TUBB8B: variants seen among roughly 807,000 people sequenced by gnomAD.
TUBB8B encodes the protein tubulin beta 8B.
In TUBB8B, 26 loss-of-function variants were observed where a neutral mutation model predicts 31.9. The ratio of observed to expected loss-of-function variants is 0.81; its 90% CI spans 0.60 to 1.13. The LOEUF is 1.13. TUBB8B is among the 50% of genes most tolerant of loss of function. TUBB8B has a pLI of 0.00. For missense variants in TUBB8B, 467 were observed against 586.7 expected (o/e 0.80, Z 2.11); for synonymous variants, 173 against 231.0 (o/e 0.75, Z 2.28).
the TUBB8B span, among the ~76,000 whole-genome samples, chr18:55,342 A>T: frequency 1.3e-5 from 2 of 150,998 alleles, no homozygotes; most frequent in Non-Finnish European, 3.0e-5. Context: ...CTCGTGATCC[A>T]CCCGCCACAG....
chr18:52,961 A>G (rs971023410), upstream of TUBB8B, among the ~76,000 whole-genome samples: 2 of 151,842 alleles, frequency 1.3e-5, no homozygotes, highest in African/African-American at 2.4e-5. Flanking sequence ...AATGACAATT[A>G]ACCCGTTGAC....
chr18:58,372 G>A, the TUBB8B span, among the ~76,000 whole-genome samples: 6 of 151,576 alleles, frequency 4.0e-5, no homozygotes, highest in Non-Finnish European at 5.9e-5. Context: ...AAGCAGCCAG[G>A]CCACATCTTC....
the TUBB8B span, among the ~76,000 whole-genome samples, chr18:72,419 T>C: frequency 6.6e-6 from 1 of 152,214 alleles, no homozygotes; most frequent in Non-Finnish European, 1.5e-5. Flanking sequence ...ACAGACGTCA[T>C]TTTATGTACC....
the TUBB8B span, among the ~76,000 whole-genome samples, chr18:66,996 G>GTTTTTTTTT: frequency 7.2e-6 from 1 of 139,686 alleles, no homozygotes. Context: ...TGTTTTTTTT[G>GTTTTTTTTT]TTTTTTTTTT....
the TUBB8B span, among the ~76,000 whole-genome samples, chr18:63,405 G>C: frequency 1.3e-5 from 2 of 151,722 alleles, no homozygotes; most frequent in Admixed American, 6.6e-5. Flanking sequence ...ATCAAGTAGA[G>C]ATTCTAGTTC....
chr18:67,748 C>T, the TUBB8B span, among the ~76,000 whole-genome samples: 2 of 151,982 alleles, frequency 1.3e-5, no homozygotes, highest in African/African-American at 4.8e-5. Flanking sequence ...CACGGCATAT[C>T]GTAATACTGA....
the TUBB8B span, among the ~76,000 whole-genome samples, chr18:56,295 G>A: frequency 1.3e-5 from 2 of 151,722 alleles, no homozygotes; most frequent in Non-Finnish European, 1.5e-5. Flanking sequence ...ACTCAGAATA[G>A]CTTTGACTAT....
At chr18:59,157 C>T in the TUBB8B span, among the ~76,000 whole-genome samples, 1 of 151,832 alleles carries the variant, frequency 6.6e-6, no homozygotes, top group Admixed American at 6.6e-5. Flanking sequence ...AGGGGACACA[C>T]ATTAAAACCC....
the TUBB8B span, among the ~76,000 whole-genome samples, chr18:66,403 T>G: frequency 6.6e-6 from 1 of 151,896 alleles, no homozygotes; most frequent in East Asian, 1.9e-4. Flanking sequence ...AATCAAAAAA[T>G]TAGCCAGATG....
chr18:65,474 C>T, the TUBB8B span, among the ~76,000 whole-genome samples: 255 of 152,148 alleles, frequency 1.7e-3, 1 homozygote, highest in Middle Eastern at 0.017. Flanking sequence ...AAAGAAGGAA[C>T]CCACATACTA....
chr18:64,318 G>A, the TUBB8B span, among the ~76,000 whole-genome samples: 1 of 152,252 alleles, frequency 6.6e-6, no homozygotes, highest in East Asian at 1.9e-4. Context: ...ATACTGAAAT[G>A]TCATCTGATT....
At chr18:67,541 T>A in the TUBB8B span, among the ~76,000 whole-genome samples, 2,134 of 113,058 alleles carry the variant, frequency 0.019, no homozygotes, top group Middle Eastern at 0.051. Flanking sequence ...GGTGTCTGGC[T>A]ATGGTGCCCA....
the TUBB8B span, among the ~76,000 whole-genome samples, chr18:72,196 A>AAAAAAAC: frequency 0.095 from 7,954 of 83,348 alleles, 679 homozygotes; most frequent in Non-Finnish European, 0.1. Context: ...AAAAAAAAAA[A>AAAAAAAC]AAAGGAAAAA....
the TUBB8B span, among the ~76,000 whole-genome samples, chr18:62,295 T>C: frequency 7.2e-4 from 109 of 151,890 alleles, no homozygotes; most frequent in African/African-American, 2.5e-3. Flanking sequence ...GGGTGTTCAG[T>C]TAAGTGCCTT....
upstream of TUBB8B, among the ~76,000 whole-genome samples, chr18:52,155 G>T (rs1259778529): frequency 6.6e-6 from 1 of 152,018 alleles, no homozygotes; most frequent in African/African-American, 2.4e-5. Flanking sequence ...TAGTTTATTA[G>T]CTTTGCCAAC....
chr18:47,327 T>A lies in TUBB8B; in HGVS notation c.*63A>T. On this transcript the variant is annotated 3_prime_UTR_variant, in exon 4 of 4. Transcript: ENST00000308911. ...AAATTAACAAGCGTATAGTGACACA[T>A]GGCTGTCAGAACACAGTAAAGAATC... 1.6e-6 allele frequency: 1 copy of A among 618,872 alleles called. No homozygotes were observed. Among genetic ancestry groups the A allele is most frequent in the South Asian group, 1.9e-5 (1 of 53,960 alleles). 38.3% of individuals were successfully genotyped at this position (618,872 alleles called of 1,614,324 possible).
chr18:69,275 C>A, the TUBB8B span, among the ~76,000 whole-genome samples: 1 of 152,036 alleles, frequency 6.6e-6, no homozygotes, highest in African/African-American at 2.4e-5. Context: ...CCAGCCTGGG[C>A]AAGATGGCAA....
chr18:59,905 T>G, the TUBB8B span, among the ~76,000 whole-genome samples: 1 of 151,796 alleles, frequency 6.6e-6, no homozygotes, highest in Admixed American at 6.6e-5. Context: ...CATCCTTGTA[T>G]CTCTGGGATA....
At chr18:71,557 C>CA in the TUBB8B span, among the ~76,000 whole-genome samples, 9 of 32,270 alleles carry the variant, frequency 2.8e-4, no homozygotes, top group East Asian at 1.1e-3. Context: ...CAAAAACAAA[C>CA]AAAAAAAAAT....
Sources: allele counts gnomAD v4.1 joint callset (sites outside exome capture counted in the v4.1 genomes callset), GRCh38; gene constraint gnomAD v4.1.1; transcripts MANE v1.5; gene names NCBI Gene and HGNC (gene_info 2026-07-23, HGNC 2026-07-21).